Variants in QTGAL observed in about 807,000 individuals in gnomAD.
QTGAL encodes the protein queuosine-tRNA galactosyltransferase, also known as BGnT-like protein 1.
At chr17:82,960,171 A>G in the QTGAL span, among the ~76,000 whole-genome samples, 8 of 152,082 alleles carry the variant, frequency 5.3e-5, no homozygotes, top group South Asian at 2.1e-4. Flanking sequence ...GATGCCCCCA[A>G]TGGGGAAGCT....
At chr17:83,019,075 G>A in the QTGAL span, among the ~76,000 whole-genome samples, 2 of 152,128 alleles carry the variant, frequency 1.3e-5, no homozygotes, top group Admixed American at 6.5e-5. Context: ...CGATGACGCC[G>A]CCGGAATGGA....
the QTGAL span, among the ~76,000 whole-genome samples, chr17:82,974,221 C>A: frequency 6.6e-6 from 1 of 152,350 alleles, no homozygotes; most frequent in African/African-American, 2.4e-5. Flanking sequence ...CCCTCAGCAC[C>A]AAGCGTGGGC....
chr17:83,022,257 A>C, the QTGAL span, among the ~76,000 whole-genome samples: 4 of 151,100 alleles, frequency 2.6e-5, no homozygotes, highest in African/African-American at 9.7e-5. Flanking sequence ...ACCAGTGTGA[A>C]CTCACATGAG....
At chr17:83,022,264 T>TTA in the QTGAL span, among the ~76,000 whole-genome samples, 4 of 148,988 alleles carry the variant, frequency 2.7e-5, no homozygotes, top group South Asian at 2.1e-4. Flanking sequence ...TGAACTCACA[T>TTA]GAGCTTAGCA....
the QTGAL span, among the ~76,000 whole-genome samples, chr17:82,971,518 G>C: frequency 6.6e-6 from 1 of 152,056 alleles, no homozygotes; most frequent in African/African-American, 2.4e-5. Context: ...CCAAGGCGAG[G>C]ACCAGCAGAA....
chr17:83,021,078 C>CT, the QTGAL span, among the ~76,000 whole-genome samples: 1 of 152,114 alleles, frequency 6.6e-6, no homozygotes, highest in Non-Finnish European at 1.5e-5. Flanking sequence ...TTTAATGATA[C>CT]TTTATGGACA....
the QTGAL span, among the ~76,000 whole-genome samples, chr17:83,026,190 G>A: frequency 6.6e-5 from 10 of 152,182 alleles, no homozygotes; most frequent in African/African-American, 1.2e-4. Flanking sequence ...TGAACCCCCC[G>A]GAATTCTAAG....
chr17:83,009,250 T>C, the QTGAL span, among the ~76,000 whole-genome samples: 2,916 of 151,788 alleles, frequency 0.019, 97 homozygotes, highest in African/African-American at 0.067. Context: ...GGTGAAACCC[T>C]ATCTCTACTA....
chr17:82,944,806 C>CTATT, the QTGAL span: 6 of 152,168 alleles, frequency 3.9e-5, no homozygotes, highest in Non-Finnish European at 8.8e-5. Context: ...TCTAGTCACG[C>CTATT]TATTTTGATA....
chr17:83,017,936 G>A, the QTGAL span, among the ~76,000 whole-genome samples: 8 of 150,474 alleles, frequency 5.3e-5, no homozygotes, highest in Middle Eastern at 3.5e-3. Flanking sequence ...CGGTGCGCCT[G>A]TATCAGGTAC....
chr17:82,956,646 A>G, the QTGAL span: 1 of 1,493,210 alleles, frequency 6.7e-7, no homozygotes, highest in Non-Finnish European at 9.0e-7. The surrounding 1 kb of genome is among the most constrained non-coding windows in gnomAD (Gnocchi z 5.7). Flanking sequence ...TCCAGGTGGC[A>G]GAGCCCGGGA....
chr17:83,034,711 G>C, the QTGAL span, among the ~76,000 whole-genome samples: 2 of 152,214 alleles, frequency 1.3e-5, no homozygotes, highest in Non-Finnish European at 2.9e-5. Flanking sequence ...GTGATAGTGG[G>C]TGAGTCTCAG....
chr17:83,017,228 G>A, the QTGAL span, among the ~76,000 whole-genome samples: 1 of 152,174 alleles, frequency 6.6e-6, no homozygotes, highest in Non-Finnish European at 1.5e-5. Context: ...TGGTTAAAGG[G>A]CACAAAACTA....
At chr17:83,038,882 AGATGTTTATAGTAGTTTC>A in the QTGAL span, among the ~76,000 whole-genome samples, 1 of 121,750 alleles carries the variant, frequency 8.2e-6, no homozygotes, top group Non-Finnish European at 1.9e-5. Flanking sequence ...AAATATTAAA[AGATGTTTATAGTAGTTTC>A]AAAAACCAAT....
the QTGAL span, among the ~76,000 whole-genome samples, chr17:83,050,307 T>A: frequency 6.6e-6 from 1 of 152,152 alleles, no homozygotes; most frequent in African/African-American, 2.4e-5. Context: ...GAGGCAGAGG[T>A]TGCGGTGAGC....
At chr17:83,045,632 G>A in the QTGAL span, among the ~76,000 whole-genome samples, 11 of 152,164 alleles carry the variant, frequency 7.2e-5, no homozygotes, top group African/African-American at 1.7e-4. Context: ...GGACACTCTC[G>A]AGAGGGTGAA....
chr17:82,995,348 C>A, the QTGAL span, among the ~76,000 whole-genome samples: 2 of 151,582 alleles, frequency 1.3e-5, no homozygotes, highest in Non-Finnish European at 2.9e-5. Flanking sequence ...TTTCAGGATA[C>A]AAAATCAACA....
chr17:83,001,757 T>C, the QTGAL span, among the ~76,000 whole-genome samples: 2,460 of 152,336 alleles, frequency 0.016, 27 homozygotes, highest in Non-Finnish European at 0.025. Context: ...AGCATAACTT[T>C]TGACAAATGC....
the QTGAL span, chr17:82,946,827 T>G: frequency 6.5e-6 from 9 of 1,378,372 alleles, no homozygotes; most frequent in Non-Finnish European, 9.0e-6. Context: ...GAAAAGGAAA[T>G]GAAACATAAT....
Sources: gnomAD v4.1 joint callset for allele counts (sites outside exome capture counted in the v4.1 genomes callset) on GRCh38, gnomAD v4.1.1 for gene constraint, Gnocchi (gnomAD v3.1) non-coding constraint, MANE v1.5 for transcripts, NCBI Gene and HGNC (gene_info 2026-07-23, HGNC 2026-07-21) for gene names.